Variants in RBFOX2 observed in about 807,000 individuals in gnomAD.
RBFOX2 encodes RNA binding fox-1 homolog 2.
Under a neutral mutation model 49.1 loss-of-function variants are expected in RBFOX2, and 10 were observed. That is an observed-to-expected ratio of 0.20 (90% confidence interval 0.13 to 0.35). The LOEUF is 0.35. RBFOX2 is among the 10% of genes least tolerant of loss of function. RBFOX2 has a pLI of 1.00. For missense variants in RBFOX2, 323 were observed against 486.9 expected (o/e 0.66, Z 3.17); for synonymous variants, 183 against 187.4 (o/e 0.98, Z 0.19).
At chr22:35,971,668 G>C (rs79192077) in intron 1 of RBFOX2, among the ~76,000 whole-genome samples, 4,979 of 152,146 alleles carry the variant, frequency 0.033, 116 homozygotes, top group Non-Finnish European at 0.045. Context: ...AAACAGGGCA[G>C]GCAAAGGGAG....
At chr22:35,746,522 C>T in exon 10 of RBFOX2, 8 of 1,610,208 alleles carry the variant, frequency 5.0e-6, no homozygotes, top group Non-Finnish European at 6.8e-6. Flanking sequence ...GCTGCGGTTG[C>T]AGTAGCAGGC....
upstream of RBFOX2, among the ~76,000 whole-genome samples, chr22:35,845,111 A>C (rs576461153): frequency 6.6e-6 from 1 of 152,254 alleles, no homozygotes. Context: ...GAAAGGCAAC[A>C]TTAAAGGGAG....
chr22:35,869,677 C>A (rs757544987), intron 1 of RBFOX2, among the ~76,000 whole-genome samples: 2 of 152,090 alleles, frequency 1.3e-5, no homozygotes, highest in Non-Finnish European at 2.9e-5. Context: ...AGGAGAAAAT[C>A]TTGGGTCAAG....
chr22:35,842,066 A>C (rs2040571813), upstream of RBFOX2, among the ~76,000 whole-genome samples: 2 of 152,202 alleles, frequency 1.3e-5, no homozygotes, highest in Non-Finnish European at 2.9e-5. Flanking sequence ...AATTAAAAAA[A>C]TGTGTTGTAT....
intron 6 of RBFOX2, among the ~76,000 whole-genome samples, chr22:35,763,281 G>A (rs1939639210): frequency 6.6e-6 from 1 of 152,062 alleles, no homozygotes; most frequent in Non-Finnish European, 1.5e-5. Flanking sequence ...CCACATAATG[G>A]GCAGGCACCG....
intron 1 of RBFOX2, among the ~76,000 whole-genome samples, chr22:35,957,356 A>G (rs1260764564): frequency 6.6e-6 from 1 of 152,202 alleles, no homozygotes; most frequent in Non-Finnish European, 1.5e-5. Flanking sequence ...ACCAACACAC[A>G]GGCAGTTCTG....
chr22:35,798,490 T>C (rs898483887), intron 2 of RBFOX2, among the ~76,000 whole-genome samples: 2 of 152,264 alleles, frequency 1.3e-5, no homozygotes, highest in African/African-American at 2.4e-5. Context: ...TTGTGTGATC[T>C]TGGACAAGTA....
intron 2 of RBFOX2, among the ~76,000 whole-genome samples, chr22:35,794,837 G>A (rs1165140240): frequency 2.6e-5 from 4 of 152,230 alleles, no homozygotes; most frequent in African/African-American, 7.2e-5. Context: ...AAGGGGCAGC[G>A]GAGCACAGCA....
chr22:35,885,089 A>G (rs1238637936), intron 1 of RBFOX2, among the ~76,000 whole-genome samples: 1 of 152,240 alleles, frequency 6.6e-6, no homozygotes, highest in Non-Finnish European at 1.5e-5. Context: ...TTGATTTTCA[A>G]TGAATCCAAG....
intron 1 of RBFOX2, chr22:35,992,515 A>C (rs925614392): frequency 5.3e-5 from 8 of 152,200 alleles, no homozygotes; most frequent in Non-Finnish European, 1.0e-4. Context: ...ACCTGATTAA[A>C]GCTTACTAAA....
chr22:35,870,113 T>C (rs933444834), intron 1 of RBFOX2, among the ~76,000 whole-genome samples: 2 of 152,152 alleles, frequency 1.3e-5, no homozygotes, highest in African/African-American at 4.8e-5. Flanking sequence ...TAGTAGTCTA[T>C]ATGCAAAAGA....
intron 1 of RBFOX2, among the ~76,000 whole-genome samples, chr22:35,866,604 A>C (rs1192349931): frequency 6.6e-6 from 1 of 152,182 alleles, no homozygotes; most frequent in Admixed American, 6.5e-5. Flanking sequence ...AGGTTGAAAG[A>C]AGCAAGAAAA....
intron 1 of RBFOX2, among the ~76,000 whole-genome samples, chr22:35,812,145 C>G (rs1461154540): frequency 4.6e-5 from 7 of 151,754 alleles, no homozygotes; most frequent in Non-Finnish European, 8.8e-5. Flanking sequence ...CCTTTAATCT[C>G]AGATATCTTG....
At chr22:35,745,798 T>C (rs2145781057) in intron 11 of RBFOX2, 125 bp downstream of exon 13, 1 of 927,338 alleles carries the variant, frequency 1.1e-6, no homozygotes, top group South Asian at 1.6e-5. Flanking sequence ...GGTAGATCTA[T>C]GTGGCTTTAA....
At chr22:35,867,465 T>C (rs1411153121) in intron 1 of RBFOX2, among the ~76,000 whole-genome samples, 1 of 152,230 alleles carries the variant, frequency 6.6e-6, no homozygotes, top group Non-Finnish European at 1.5e-5. Flanking sequence ...CAAATCATTG[T>C]ATGGGCTTTA....
At chr22:35,928,587 T>C (rs574886962) in intron 1 of RBFOX2, among the ~76,000 whole-genome samples, 4 of 152,366 alleles carry the variant, frequency 2.6e-5, no homozygotes, top group African/African-American at 7.2e-5. Context: ...ATTCAGAATT[T>C]ATGCAAACTT....
At chr22:35,785,155 A>G (rs149590755) in intron 2 of RBFOX2, among the ~76,000 whole-genome samples, 352 of 152,124 alleles carry the variant, frequency 2.3e-3, no homozygotes, top group African/African-American at 8.1e-3. Context: ...GCACCATCAC[A>G]CCCGGCTGAA....
chr22:35,806,891 G>A (rs573343514), intron 2 of RBFOX2, among the ~76,000 whole-genome samples: 1 of 152,194 alleles, frequency 6.6e-6, no homozygotes, highest in East Asian at 1.9e-4. Context: ...TGCAACCTCC[G>A]CCTCCCCAGT....
chr22:35,824,809 T>C (rs920629131), intron 1 of RBFOX2, among the ~76,000 whole-genome samples: 10 of 152,230 alleles, frequency 6.6e-5, no homozygotes, highest in Admixed American at 3.3e-4. Flanking sequence ...AGGGCATACT[T>C]TAAAAAAGCA....
Sources: allele counts gnomAD v4.1 joint callset (sites outside exome capture counted in the v4.1 genomes callset), GRCh38; gene constraint gnomAD v4.1.1; transcripts MANE v1.5; gene names NCBI Gene and HGNC (gene_info 2026-07-23, HGNC 2026-07-21).